CFAP61: variants seen among roughly 807,000 people sequenced by gnomAD.
The protein encoded by CFAP61 is cilia and flagella associated protein 61, also known as cilia- and flagella-associated protein 61.
In CFAP61, 107 loss-of-function variants were observed where a neutral mutation model predicts 135.6. The ratio of observed to expected loss-of-function variants is 0.79; its 90% CI spans 0.67 to 0.93. CFAP61 has a LOEUF of 0.93. Ranked by LOEUF, CFAP61 falls within the 40% of genes least tolerant of loss-of-function variation. The probability of loss-of-function intolerance (pLI) is 0.00; values close to 1 mark genes in which losing one functional copy is unlikely to be tolerated. For missense variants in CFAP61, 1,507 were observed against 1,556.2 expected (o/e 0.97, Z 0.53); for synonymous variants, 575 against 578.5 (o/e 0.99, Z 0.09).
rs546152773 is a variant in CFAP61 at position 20,293,138 on chromosome 20, A to G, written c.3216+2747A>G. 4.6e-5 allele frequency among the ~76,000 whole-genome samples: 7 copies of G among 152,364 alleles called. No individual in the cohort carries two copies. The South Asian group carries it at 1.0e-3, about 23-fold the overall frequency. On this transcript the variant is annotated intron_variant, in intron 24 of 26. Transcript: ENST00000245957. ...GTCTAATATGCACAAGAGCTAGAAC[A>G]TATTGGACTTGGTTTCAGCCAGAAC...
intron 7 of CFAP61, among the ~76,000 whole-genome samples, chr20:20,098,213 T>C (rs1309231689): frequency 2.0e-5 from 3 of 152,154 alleles, no homozygotes; most frequent in African/African-American, 4.8e-5. Context: ...AAGACACTTA[T>C]TCCTCCCTTA....
chr20:20,303,010 C>T (rs1290828168), intron 25 of CFAP61, among the ~76,000 whole-genome samples: 1 of 152,066 alleles, frequency 6.6e-6, no homozygotes, highest in Non-Finnish European at 1.5e-5. Flanking sequence ...GGCTTGGCTC[C>T]AATACTTATT....
intron 17 of CFAP61, among the ~76,000 whole-genome samples, chr20:20,227,092 C>T (rs2048790570): frequency 6.6e-6 from 1 of 152,064 alleles, no homozygotes; most frequent in Non-Finnish European, 1.5e-5. Context: ...TGAGATGTTA[C>T]CTTTAAATGG....
At chr20:20,197,307 G>A (rs1026282802) in intron 16 of CFAP61, among the ~76,000 whole-genome samples, 2 of 152,164 alleles carry the variant, frequency 1.3e-5, no homozygotes, top group African/African-American at 4.8e-5. Context: ...CATTTGCATG[G>A]AGTAATACTG....
intron 25 of CFAP61, among the ~76,000 whole-genome samples, chr20:20,319,451 T>G (rs185271540): frequency 5.9e-5 from 9 of 152,332 alleles, no homozygotes; most frequent in Admixed American, 2.0e-4. Flanking sequence ...GAGGTGATTG[T>G]TTCATGGGGG....
At position 20,074,297 on chromosome 20, in the gene CFAP61, T is replaced by G. The variant is rs537127955; in HGVS notation, c.295-5T>G. 3.1e-6 allele frequency: 5 copies of G among 1,613,910 alleles called. No homozygotes were observed. The South Asian group carries it at 4.4e-5, about 14-fold the overall frequency. On this transcript the variant is annotated splice_region_variant and splice_polypyrimidine_tract_variant and intron_variant, in intron 3 of 26. Transcript: ENST00000245957. ...CTTTAATCCGTGTTCTCTCTTCTTCTGCAGCCCCTGAATACGTTGTTCATG... is the reference window on the plus strand; with the variant it reads ...CTTTAATCCGTGTTCTCTCTTCTTCGGCAGCCCCTGAATACGTTGTTCATG...
intron 17 of CFAP61, among the ~76,000 whole-genome samples, chr20:20,223,540 C>T (rs113228707): frequency 2.0e-5 from 3 of 152,110 alleles, no homozygotes; most frequent in African/African-American, 7.2e-5. Context: ...TTTTATTGCT[C>T]TCTAGTGTAT....
chr20:20,176,503 A>G (rs1415753927), intron 13 of CFAP61, among the ~76,000 whole-genome samples: 3 of 152,232 alleles, frequency 2.0e-5, no homozygotes, highest in Non-Finnish European at 4.4e-5. Flanking sequence ...GAATACTATG[A>G]TACCATGGAA....
intron 9 of CFAP61, among the ~76,000 whole-genome samples, chr20:20,155,342 A>T (rs1423431671): frequency 6.6e-6 from 1 of 152,158 alleles, no homozygotes; most frequent in African/African-American, 2.4e-5. Context: ...ACATTGGAAA[A>T]AACTCTTCTA....
chr20:20,322,651 A>G (rs1318789883), intron 25 of CFAP61: 28 of 984,524 alleles, frequency 2.8e-5, no homozygotes, highest in Non-Finnish European at 3.4e-5. Context: ...TTCCAGTCCC[A>G]TGGTGGTCTT....
At chr20:20,134,327 C>T (rs2050760803) in intron 8 of CFAP61, among the ~76,000 whole-genome samples, 1 of 152,068 alleles carries the variant, frequency 6.6e-6, no homozygotes, top group Non-Finnish European at 1.5e-5. Flanking sequence ...ATATTCAAGA[C>T]CATGGCTTAT....
At chr20:20,177,784 G>T (rs553326552) in intron 13 of CFAP61, among the ~76,000 whole-genome samples, 2 of 129,284 alleles carry the variant, frequency 1.5e-5, no homozygotes, top group African/African-American at 6.1e-5. Flanking sequence ...GTGGAGAGGG[G>T]ATAGGAACTG....
At chr20:20,092,533 C>T (rs2146620590) in intron 7 of CFAP61, among the ~76,000 whole-genome samples, 1 of 152,320 alleles carries the variant, frequency 6.6e-6, no homozygotes, top group South Asian at 2.1e-4. Context: ...ATCAGTGGTT[C>T]TCAAACTTGG....
At chr20:20,132,234 T>C (rs577757443) in intron 8 of CFAP61, among the ~76,000 whole-genome samples, 1 of 152,260 alleles carries the variant, frequency 6.6e-6, no homozygotes, top group Admixed American at 6.5e-5. Context: ...TCATCCATAT[T>C]GTTATATATT....
intron 19 of CFAP61, among the ~76,000 whole-genome samples, chr20:20,249,931 C>T (rs1416257200): frequency 6.6e-6 from 1 of 152,174 alleles, no homozygotes; most frequent in Non-Finnish European, 1.5e-5. Flanking sequence ...CATGACATTT[C>T]CTGTATTCCT....
chr20:20,196,239 C>T (rs994455776), intron 15 of CFAP61, among the ~76,000 whole-genome samples: 4 of 152,170 alleles, frequency 2.6e-5, no homozygotes, highest in Admixed American at 6.5e-5. Flanking sequence ...GTGCTCACAT[C>T]GCCTGGCAGT....
intron 26 of CFAP61, among the ~76,000 whole-genome samples, chr20:20,346,533 A>AG (rs1196632938): frequency 2.0e-5 from 3 of 151,470 alleles, no homozygotes; most frequent in Non-Finnish European, 2.9e-5. Flanking sequence ...AAAAAAAAAA[A>AG]AATCTTCATA....
At chr20:20,296,490 T>C (rs1002279882) in intron 24 of CFAP61, among the ~76,000 whole-genome samples, 45 of 141,782 alleles carry the variant, frequency 3.2e-4, no homozygotes, top group East Asian at 1.7e-3. Context: ...CCTCCCTCCC[T>C]CCTTCCTTCT....
chr20:20,057,077 A>T (rs1448541399), intron 2 of CFAP61, among the ~76,000 whole-genome samples: 1 of 149,842 alleles, frequency 6.7e-6, no homozygotes, highest in Non-Finnish European at 1.5e-5. Flanking sequence ...AAGACACGCC[A>T]CTGCACTCCA....
Sources: gnomAD v4.1 joint callset for allele counts (sites outside exome capture counted in the v4.1 genomes callset) on GRCh38, gnomAD v4.1.1 for gene constraint, MANE v1.5 for transcripts, NCBI Gene and HGNC (gene_info 2026-07-23, HGNC 2026-07-21) for gene names.